Variants in LZTS1 observed in about 807,000 individuals in gnomAD.
The protein encoded by LZTS1 is leucine zipper tumor suppressor 1, also known as leucine zipper putative tumor suppressor 1.
In LZTS1, 31 loss-of-function variants were observed where a neutral mutation model predicts 45.8. The ratio of observed to expected loss-of-function variants is 0.68; its 90% confidence interval spans 0.51 to 0.91. The LOEUF (loss-of-function observed/expected upper bound fraction) is 0.91, where lower values mean the gene tolerates loss of function less well. Ranked by LOEUF, LZTS1 falls within the 40% of genes least tolerant of loss-of-function variation. LZTS1 has a pLI of 0.00. For missense variants in LZTS1, 821 were observed against 788.9 expected, an observed-to-expected ratio of 1.04 and a Z score of -0.49; for synonymous variants, 359 against 357.3, an observed-to-expected ratio of 1.00 and a Z score of -0.05.
intron 1 of LZTS1, chr8:20,275,857 G>A (rs965871150): frequency 6.6e-6 from 1 of 152,286 alleles, no homozygotes; most frequent in Non-Finnish European, 1.5e-5. Context: ...CAGATGTCAC[G>A]TGCCGGGGTG....
intron 1 of LZTS1, among the ~76,000 whole-genome samples, chr8:20,294,486 G>C (rs1800949694): frequency 6.6e-6 from 1 of 152,176 alleles, no homozygotes; most frequent in Admixed American, 6.5e-5. Context: ...GCTTTACAGT[G>C]CAGGTGGAGG....
chr8:20,290,920 G>A (rs1383579481), intron 1 of LZTS1, among the ~76,000 whole-genome samples: 1 of 152,124 alleles, frequency 6.6e-6, no homozygotes, highest in African/African-American at 2.4e-5. Flanking sequence ...TCCCATGCAC[G>A]GGCTTGAGAT....
intron 1 of LZTS1, among the ~76,000 whole-genome samples, chr8:20,260,733 G>A (rs1265060462): frequency 6.6e-6 from 1 of 152,160 alleles, no homozygotes; most frequent in East Asian, 1.9e-4. Context: ...CATCCTAGAG[G>A]GTCAAGAGGT....
chr8:20,280,791 T>C (rs1234035916), intron 1 of LZTS1, among the ~76,000 whole-genome samples: 2 of 152,092 alleles, frequency 1.3e-5, no homozygotes, highest in Non-Finnish European at 2.9e-5. Context: ...CCTCCTTAGA[T>C]CCAGCCAGTT....
intron 1 of LZTS1, among the ~76,000 whole-genome samples, chr8:20,295,895 T>G (rs549820691): frequency 2.0e-5 from 3 of 152,226 alleles, no homozygotes; most frequent in Admixed American, 1.3e-4. Context: ...CAGGGAAAGG[T>G]GCTGGCAAAC....
chr8:20,303,931 C>T lies in LZTS1; in HGVS notation c.-326G>A, dbSNP rs995553241. Reference sequence around the variant, plus strand: ...TTCGGCCTCCCCGCCCGGCCGCTGCCAACCCGCCAGCTCCAGGCGCGCCGG... The same window carrying T: ...TTCGGCCTCCCCGCCCGGCCGCTGCTAACCCGCCAGCTCCAGGCGCGCCGG... On this transcript the variant is annotated 5_prime_UTR_variant, in exon 1 of 4. Transcript: ENST00000381569. 266 of 982,596 alleles carry T rather than the reference C, an allele frequency of 2.7e-4. No homozygotes were observed. Among genetic ancestry groups the T allele is most frequent in the Admixed American group, 3.7e-4 (6 of 16,102 alleles). The allele number at this position is 982,596 out of a possible 1,614,324, so 60.9% of individuals were successfully genotyped here.
intron 1 of LZTS1, among the ~76,000 whole-genome samples, chr8:20,264,002 C>G (rs1050979496): frequency 6.6e-6 from 1 of 152,050 alleles, no homozygotes; most frequent in African/African-American, 2.4e-5. Flanking sequence ...AGTCCCCATT[C>G]CCTATTCCTT....
In LZTS1 at chr8:20,247,330, C is replaced by G. The variant is rs1386446669; in HGVS notation, c.*2392G>C. 6.9e-6 allele frequency: 1 copy of G among 145,720 alleles called. No homozygotes were observed. Among genetic ancestry groups the G allele is most frequent in the African/African-American group, 2.5e-5 (1 of 39,240 alleles). The allele number at this position is 145,720 out of a possible 1,614,324, so 9.0% of individuals were successfully genotyped here. A position where few individuals can be genotyped will look rare whatever the true frequency, so the allele number is the denominator to read the frequency against. On this transcript the variant is annotated 3_prime_UTR_variant, in exon 4 of 4. Coordinates refer to ENST00000381569, the MANE Select transcript of LZTS1 (RefSeq NM_021020.5). ...TCTGAGGCAGAGCACTGGACTCTGACTGCTCTTTCCTGGAGTTGGGGGGGG... is the reference window on the plus strand; with the variant it reads ...TCTGAGGCAGAGCACTGGACTCTGAGTGCTCTTTCCTGGAGTTGGGGGGGG...
At chr8:20,294,197 G>A (rs1275656111) in intron 1 of LZTS1, among the ~76,000 whole-genome samples, 2 of 152,190 alleles carry the variant, frequency 1.3e-5, no homozygotes, top group Admixed American at 6.5e-5. Flanking sequence ...CCTGTCTGCG[G>A]CTCTAGAATA....
chr8:20,252,421 G>A (rs1387862171), intron 3 of LZTS1, among the ~76,000 whole-genome samples: 1 of 152,208 alleles, frequency 6.6e-6, no homozygotes, highest in East Asian at 1.9e-4. Flanking sequence ...GGCCCCGCCT[G>A]AACTCAGGCA....
intron 1 of LZTS1, among the ~76,000 whole-genome samples, chr8:20,270,832 T>TG (rs3043847): frequency 0.014 from 2,117 of 149,968 alleles, 54 homozygotes; most frequent in African/African-American, 0.042. Flanking sequence ...TGTGTGTGTG[T>TG]TTGTGTGTGT....
intron 1 of LZTS1, among the ~76,000 whole-genome samples, chr8:20,262,465 C>CGT (rs1289132896): frequency 1.3e-5 from 2 of 151,966 alleles, no homozygotes; most frequent in East Asian, 3.9e-4. Flanking sequence ...CATGTGTGAA[C>CGT]GTGTGTGTGT....
chr8:20,273,253 C>A (rs992383046), intron 1 of LZTS1, among the ~76,000 whole-genome samples: 8 of 152,152 alleles, frequency 5.3e-5, no homozygotes, highest in Non-Finnish European at 8.8e-5. Flanking sequence ...CGCAGCCTGT[C>A]CTCTGTCACC....
rs76073182 is a variant in LZTS1 at position 20,280,506 on chromosome 8, C to T, written c.-135+23234G>A. 7.2e-3 allele frequency among the ~76,000 whole-genome samples: 1,096 copies of T among 152,290 alleles called. 10 individuals are homozygous for T. The highest frequency in any genetic ancestry group is 0.025 in the African/African-American group (1,050 of 41,568). ...ATAATTCCTCCCGCTGCCACATGCA[C>T]GGAGGCGCGTGCACATGTGTTCAGA... On this transcript the variant is annotated intron_variant, in intron 1 of 3. Coordinates refer to ENST00000381569, the MANE Select transcript of LZTS1 (RefSeq NM_021020.5).
At chr8:20,281,798 C>T (rs887553114) in intron 1 of LZTS1, among the ~76,000 whole-genome samples, 1 of 152,192 alleles carries the variant, frequency 6.6e-6, no homozygotes, top group Non-Finnish European at 1.5e-5. Flanking sequence ...GCTTGTACAA[C>T]CAGCAGAACT....
chr8:20,285,963 A>T (rs182617764), intron 1 of LZTS1, among the ~76,000 whole-genome samples: 5 of 152,326 alleles, frequency 3.3e-5, no homozygotes, highest in Admixed American at 3.3e-4. Flanking sequence ...ATTGAGGAAA[A>T]AGTAAATATT....
chr8:20,278,469 A>C (rs1800626640), intron 1 of LZTS1, among the ~76,000 whole-genome samples: 1 of 152,206 alleles, frequency 6.6e-6, no homozygotes, highest in South Asian at 2.1e-4. Flanking sequence ...CCCCAGGTCA[A>C]AGGTCAAACC....
intron 1 of LZTS1, among the ~76,000 whole-genome samples, chr8:20,280,643 C>CA (rs1448491484): frequency 3.3e-5 from 5 of 152,158 alleles, no homozygotes; most frequent in Non-Finnish European, 5.9e-5. Flanking sequence ...AATGTTATTT[C>CA]AAGAAGTGCC....
chr8:20,254,871 G>T lies in LZTS1; in HGVS notation c.311C>A (p.Pro104His). ...AGVDFDPSTP[P>H]KLMPFSNQLE... ...CTGATTGGAGAAGGGCATGAGCTTG[G>T]GGGGTGTGGACGGGTCAAAGTCCAC... is the stretch of plus-strand genomic sequence containing the variant. The change falls in exon 2 of 4, where the codon CCC (proline) becomes CAC (histidine). Residue 104 changes from proline (P) to histidine (H), a missense_variant. By Grantham distance (77) the Pro-to-His change is moderately conservative (BLOSUM62 -2). Transcript: ENST00000381569. 1 of 1,613,506 alleles carries T rather than the reference G, an allele frequency of 6.2e-7. No homozygotes were observed. The highest frequency in any genetic ancestry group is 8.5e-7 in the Non-Finnish European group (1 of 1,179,608).
Sources: allele counts gnomAD v4.1 joint callset (sites outside exome capture counted in the v4.1 genomes callset), GRCh38; gene constraint gnomAD v4.1.1; transcripts MANE v1.5; gene names NCBI Gene and HGNC (gene_info 2026-07-23, HGNC 2026-07-21).